DIAPH2: variants seen among roughly 807,000 people sequenced by gnomAD.
The protein encoded by DIAPH2 is protein diaphanous homolog 2.
In DIAPH2, 35 loss-of-function variants were observed where a neutral mutation model predicts 92.7. The observed-to-expected ratio is 0.38, with a 90% CI of 0.29 to 0.50. DIAPH2 has a LOEUF of 0.50. Ranked by LOEUF, DIAPH2 falls within the 20% of genes least tolerant of loss-of-function variation. DIAPH2 has a pLI of 0.94. For missense variants in DIAPH2, 701 were observed against 819.5 expected (o/e 0.86, Z 1.77); for synonymous variants, 301 against 280.4 (o/e 1.07, Z -0.73).
intron 23 of DIAPH2, among the ~76,000 whole-genome samples, chrX:97,287,866 T>C (rs2068556431): frequency 1.0e-5 from 1 of 96,486 alleles, no homozygotes; most frequent in Non-Finnish European, 2.0e-5. Flanking sequence ...GGCAGGAGAA[T>C]CACTTGAACC....
intron 5 of DIAPH2, among the ~76,000 whole-genome samples, chrX:96,893,435 G>GTTGT (rs759692398): frequency 1.8e-5 from 2 of 111,147 alleles, no homozygotes; most frequent in African/African-American, 6.5e-5. Context: ...CTTTTGTGTT[G>GTTGT]TTGTTTGTTT....
At chrX:96,968,891 CT>C (rs1425375921) in intron 17 of DIAPH2, among the ~76,000 whole-genome samples, 1 of 112,008 alleles carries the variant, frequency 8.9e-6, no homozygotes, top group Non-Finnish European at 1.9e-5. Context: ...TCCATTTTGA[CT>C]TTTTGTGTAT....
At chrX:97,029,946 C>A (rs1006016773) in intron 17 of DIAPH2, among the ~76,000 whole-genome samples, 6 of 111,131 alleles carry the variant, frequency 5.4e-5, no homozygotes, top group African/African-American at 2.0e-4. Flanking sequence ...TGATGATCAG[C>A]TTTTCTTCCC....
At chrX:97,394,208 G>A (rs2069684882) in intron 25 of DIAPH2, among the ~76,000 whole-genome samples, 1 of 111,643 alleles carries the variant, frequency 9.0e-6, no homozygotes, top group Admixed American at 9.5e-5. Flanking sequence ...GATTCAAGTA[G>A]CAGTAAATCA....
intron 1 of DIAPH2, among the ~76,000 whole-genome samples, chrX:96,710,917 A>T (rs2063914136): frequency 1.8e-5 from 2 of 111,436 alleles, no homozygotes; most frequent in Admixed American, 1.9e-4. Flanking sequence ...GCACCCACTT[A>T]TGAGTGAGAA....
chrX:96,925,003 A>G (rs772321947), intron 9 of DIAPH2, among the ~76,000 whole-genome samples: 17 of 110,664 alleles, frequency 1.5e-4, no homozygotes, highest in Non-Finnish European at 1.3e-4. Flanking sequence ...TCTTATTTCT[A>G]TGCTTGACCC....
At chrX:97,064,733 A>G (rs761908431) in intron 17 of DIAPH2, among the ~76,000 whole-genome samples, 10 of 111,224 alleles carry the variant, frequency 9.0e-5, no homozygotes, top group Non-Finnish European at 1.5e-4. Context: ...TAGGGCCACA[A>G]GGAAGAACTC....
intron 26 of DIAPH2, among the ~76,000 whole-genome samples, chrX:97,496,915 T>C (rs2070762853): frequency 8.9e-6 from 1 of 111,895 alleles, no homozygotes; most frequent in South Asian, 3.7e-4. Context: ...ATTTTAAAAC[T>C]GATACATTTT....
intron 5 of DIAPH2, among the ~76,000 whole-genome samples, chrX:96,908,279 T>C (rs2065446152): frequency 9.0e-6 from 1 of 111,561 alleles, no homozygotes; most frequent in African/African-American, 3.3e-5. Flanking sequence ...ATAACTCATG[T>C]TTGGGTTGGT....
chrX:97,260,853 T>C (rs1189328153), intron 23 of DIAPH2, among the ~76,000 whole-genome samples: 1 of 112,192 alleles, frequency 8.9e-6, no homozygotes, highest in Admixed American at 9.5e-5. Context: ...CCACCAGAGA[T>C]TTGCCCATTA....
chrX:96,883,871 T>C (rs1268721148), intron 5 of DIAPH2: 1 of 121,489 alleles, frequency 8.2e-6, no homozygotes, highest in Non-Finnish European at 1.7e-5. Flanking sequence ...TTAAAAGTAA[T>C]TGTAGAAGTT....
chrX:97,075,125 T>C, intron 18 of DIAPH2, 42 bp from the exon 19 acceptor site: 3 of 897,417 alleles, frequency 3.3e-6, no homozygotes, highest in Middle Eastern at 5.8e-4. Flanking sequence ...CTTTAACATG[T>C]TGATGCTGTT....
intron 19 of DIAPH2, among the ~76,000 whole-genome samples, chrX:97,082,636 ACAAAC>A (rs892019403): frequency 2.0e-4 from 22 of 110,259 alleles, no homozygotes; most frequent in African/African-American, 7.3e-4. Context: ...CATCTCAAAA[ACAAAC>A]AAACAAACAA....
chrX:97,181,902 G>A (rs764231220), intron 22 of DIAPH2, among the ~76,000 whole-genome samples: 1 of 112,624 alleles, frequency 8.9e-6, no homozygotes, highest in East Asian at 2.8e-4. Context: ...ATCATGGTGT[G>A]TTAATAGATC....
At chrX:97,411,880 C>G (rs1255015168) in intron 25 of DIAPH2, among the ~76,000 whole-genome samples, 2 of 111,742 alleles carry the variant, frequency 1.8e-5, no homozygotes, top group African/African-American at 6.5e-5. Context: ...GCACCCAATA[C>G]AGGAGCACCC....
intron 23 of DIAPH2, among the ~76,000 whole-genome samples, chrX:97,249,503 A>T (rs2068169852): frequency 1.8e-5 from 2 of 112,001 alleles, no homozygotes. Flanking sequence ...TTTTTAAAGA[A>T]ACAAAATAAA....
chrX:97,521,983 G>A (rs2070994516), intron 26 of DIAPH2, among the ~76,000 whole-genome samples: 1 of 111,911 alleles, frequency 8.9e-6, no homozygotes, highest in East Asian at 2.8e-4. Flanking sequence ...TTTGTGATTA[G>A]TAACTATCTG....
chrX:97,251,582 C>T (rs2068189531), intron 23 of DIAPH2, among the ~76,000 whole-genome samples: 1 of 110,869 alleles, frequency 9.0e-6, no homozygotes, highest in African/African-American at 3.3e-5. Flanking sequence ...CGCCACCACG[C>T]CCAGCTAATT....
intron 23 of DIAPH2, among the ~76,000 whole-genome samples, chrX:97,333,898 T>C (rs1285159860): frequency 2.7e-5 from 3 of 110,588 alleles, no homozygotes. Flanking sequence ...GCTTTCCATT[T>C]GCAGTACTGT....
Sources: gnomAD v4.1 joint callset for allele counts (sites outside exome capture counted in the v4.1 genomes callset) on GRCh38, gnomAD v4.1.1 for gene constraint, MANE v1.5 for transcripts, NCBI Gene and HGNC (gene_info 2026-07-23, HGNC 2026-07-21) for gene names.